The following ADAM22 variants were observed in gnomAD, a reference collection of about 807,000 sequenced individuals.
ADAM22 encodes ADAM metallopeptidase domain 22, also known as disintegrin and metalloproteinase domain-containing protein 22.
Under a neutral mutation model 144.6 loss-of-function variants are expected in ADAM22, and 65 were observed. The observed-to-expected ratio is 0.45, with a 90% CI of 0.37 to 0.55. ADAM22 has a LOEUF of 0.55. Among genes scored for constraint, ADAM22 ranks in the 20% least tolerant of loss-of-function variants. The pLI is 0.00. For missense variants in ADAM22, 974 were observed against 1,184.9 expected (o/e 0.82, Z 2.61); for synonymous variants, 391 against 412.6 (o/e 0.95, Z 0.63).
chr7:88,136,572 T>G (rs1275694915), intron 14 of ADAM22, among the ~76,000 whole-genome samples: 1 of 152,128 alleles, frequency 6.6e-6, no homozygotes, highest in Non-Finnish European at 1.5e-5. Context: ...ACACGCTCAG[T>G]CATCAATGCT....
intron 3 of ADAM22, among the ~76,000 whole-genome samples, chr7:88,003,776 TA>T (rs111881071): frequency 1.8e-4 from 28 of 152,118 alleles, no homozygotes; most frequent in Non-Finnish European, 3.4e-4. Flanking sequence ...TAAATGTTCC[TA>T]AAAAAAGTTT....
At chr7:88,117,989 G>A (rs987204935) in intron 7 of ADAM22, among the ~76,000 whole-genome samples, 3 of 152,046 alleles carry the variant, frequency 2.0e-5, no homozygotes, top group Non-Finnish European at 4.4e-5. Flanking sequence ...CACTGTGCCC[G>A]GCCTGATTAT....
At chr7:87,942,296 C>T (rs952370501) in intron 2 of ADAM22, among the ~76,000 whole-genome samples, 1 of 152,092 alleles carries the variant, frequency 6.6e-6, no homozygotes, top group Non-Finnish European at 1.5e-5. Flanking sequence ...TTTTATGTGC[C>T]AAATGGTCTT....
At chr7:88,075,718 G>A (rs1814230048) in intron 4 of ADAM22, 26 bp downstream of exon 4, 2 of 1,572,548 alleles carry the variant, frequency 1.3e-6, no homozygotes, top group Admixed American at 3.3e-5. Context: ...CTACTTGTGG[G>A]GAAATTTGTT....
chr7:88,189,192 C>T (rs1247504563), intron 30 of ADAM22, among the ~76,000 whole-genome samples: 1 of 152,096 alleles, frequency 6.6e-6, no homozygotes, highest in Non-Finnish European at 1.5e-5. Context: ...GAATTCAGGC[C>T]ACCAGGAAGG....
At chr7:87,994,283 C>T (rs1390426224) in intron 3 of ADAM22, among the ~76,000 whole-genome samples, 1 of 151,964 alleles carries the variant, frequency 6.6e-6, no homozygotes, top group Non-Finnish European at 1.5e-5. Context: ...GCCTCAGCCT[C>T]GTGAGTAGCT....
rs76604928 is a variant in ADAM22, at chr7:87,982,469, G to A, written c.323+4057G>A. Among the ~76,000 whole-genome samples the A allele has an allele frequency of 6.8e-3, 1,029 of 151,512 alleles. 8 individuals carry two copies. The highest frequency in any genetic ancestry group is 0.024 in the African/African-American group (983 of 41,204). On this transcript the variant is annotated intron_variant, in intron 3 of 31. Coordinates refer to ENST00000413139, the MANE Select transcript of ADAM22 (RefSeq NM_001324418.2). Reference sequence around the variant, plus strand: ...TGAGAGACAGAAATGTGGCTAAGGAGGTTGGCACAGGGATAGCCAAGTTAT... The same window carrying A: ...TGAGAGACAGAAATGTGGCTAAGGAAGTTGGCACAGGGATAGCCAAGTTAT...
chr7:88,171,900 T>C (rs1444347785), intron 26 of ADAM22, among the ~76,000 whole-genome samples: 1 of 151,852 alleles, frequency 6.6e-6, no homozygotes, highest in Non-Finnish European at 1.5e-5. Flanking sequence ...TTGTTTACAT[T>C]AATATTAGCT....
intron 3 of ADAM22, among the ~76,000 whole-genome samples, chr7:88,061,531 A>G (rs908147087): frequency 2.6e-5 from 4 of 152,218 alleles, no homozygotes; most frequent in Non-Finnish European, 5.9e-5. Context: ...AATCTTGTAC[A>G]TCTCCATCAG....
intron 8 of ADAM22, among the ~76,000 whole-genome samples, chr7:88,126,333 A>G (rs1052921131): frequency 6.6e-6 from 1 of 152,028 alleles, no homozygotes; most frequent in African/African-American, 2.4e-5. Flanking sequence ...AGATATCACC[A>G]CTGTGGTGGT....
intron 4 of ADAM22, among the ~76,000 whole-genome samples, chr7:88,093,926 C>G (rs1820590632): frequency 6.6e-6 from 1 of 152,094 alleles, no homozygotes; most frequent in Non-Finnish European, 1.5e-5. Flanking sequence ...CATAGCCACT[C>G]ATAAAAACTC....
intron 3 of ADAM22, among the ~76,000 whole-genome samples, chr7:88,031,619 A>G (rs747712946): frequency 1.3e-5 from 2 of 152,242 alleles, no homozygotes; most frequent in African/African-American, 4.8e-5. Flanking sequence ...TCTTCTTACC[A>G]TGTATGCTCA....
At chr7:87,993,632 C>T (rs1790425101) in intron 3 of ADAM22, among the ~76,000 whole-genome samples, 1 of 152,216 alleles carries the variant, frequency 6.6e-6, no homozygotes, top group African/African-American at 2.4e-5. Context: ...CTTCTTCCCT[C>T]TGCTGTGCAG....
At chr7:88,005,108 A>G (rs563239616) in intron 3 of ADAM22, among the ~76,000 whole-genome samples, 1 of 152,298 alleles carries the variant, frequency 6.6e-6, no homozygotes, top group South Asian at 2.1e-4. Flanking sequence ...CAACCTGGGC[A>G]ATATAGGGAG....
chr7:87,982,046 TA>T, intron 3 of ADAM22, among the ~76,000 whole-genome samples: 1 of 30,068 alleles, frequency 3.3e-5, no homozygotes, highest in Non-Finnish European at 5.8e-5. Flanking sequence ...GTTTATTTCA[TA>T]TATATATATA....
At chr7:88,151,156 C>G in intron 19 of ADAM22, 101 bp from the exon 20 acceptor site, 1 of 1,526,336 alleles carries the variant, frequency 6.6e-7, no homozygotes, top group Non-Finnish European at 9.1e-7. Flanking sequence ...AAAGGCCTCT[C>G]TACTATTCAT....
intron 20 of ADAM22, among the ~76,000 whole-genome samples, chr7:88,151,908 T>G (rs1838504820): frequency 6.6e-6 from 1 of 152,222 alleles, no homozygotes; most frequent in African/African-American, 2.4e-5. Flanking sequence ...TAAATTATAC[T>G]CTATTTAAAT....
At chr7:88,062,447 A>G (rs1402585998) in intron 3 of ADAM22, among the ~76,000 whole-genome samples, 1 of 152,190 alleles carries the variant, frequency 6.6e-6, no homozygotes, top group East Asian at 1.9e-4. Context: ...CAGCCTTCAT[A>G]TAGTTAAAGA....
intron 5 of ADAM22, among the ~76,000 whole-genome samples, chr7:88,113,392 C>T (rs907140870): frequency 3.3e-5 from 5 of 151,400 alleles, no homozygotes. Flanking sequence ...TGGATTATTG[C>T]AGTAACTTCC....
Sources: allele counts gnomAD v4.1 joint callset (sites outside exome capture counted in the v4.1 genomes callset), GRCh38; gene constraint gnomAD v4.1.1; transcripts MANE v1.5; gene names NCBI Gene and HGNC (gene_info 2026-07-23, HGNC 2026-07-21).